SUGCT: variants seen among roughly 807,000 people sequenced by gnomAD.
The protein encoded by SUGCT is succinyl-CoA:glutarate-CoA transferase.
In SUGCT, 41 loss-of-function variants were observed where a neutral mutation model predicts 55.0. The ratio of observed to expected loss-of-function variants is 0.74; its 90% CI spans 0.58 to 0.97. SUGCT has a LOEUF of 0.97. Among genes scored for constraint, SUGCT ranks in the 50% least tolerant of loss-of-function variants. The probability of loss-of-function intolerance (pLI) is 0.00; values close to 1 mark genes in which losing one functional copy is unlikely to be tolerated. For synonymous variants in SUGCT, 187 were observed against 200.4 expected, an observed-to-expected ratio of 0.93 and a Z score of 0.56; for missense variants, 568 against 547.8, an observed-to-expected ratio of 1.04 and a Z score of -0.37.
chr7:40,787,554 A>G (rs569890744), intron 13 of SUGCT, among the ~76,000 whole-genome samples: 1 of 150,118 alleles, frequency 6.7e-6, no homozygotes, highest in East Asian at 2.0e-4. Flanking sequence ...CCAGCTAGCA[A>G]TCTTGGGATC....
intron 12 of SUGCT, among the ~76,000 whole-genome samples, chr7:40,691,310 CTT>C (rs536602371): frequency 1.1e-4 from 16 of 144,376 alleles, no homozygotes; most frequent in South Asian, 6.7e-4. Context: ...ATGTGAGAAA[CTT>C]TTTTTTTTTT....
Position 40,175,824 on chromosome 7 carries a change from A to G in SUGCT, c.101-5123A>G, listed in dbSNP as rs1040900179. Among the ~76,000 whole-genome samples, 5 of 152,056 alleles carry G rather than the reference A, an allele frequency of 3.3e-5. No individual in the cohort carries two copies. The East Asian group carries it at 5.8e-4, about 18-fold the overall frequency. On this transcript the variant is annotated intron_variant, in intron 1 of 13. Coordinates refer to ENST00000335693, the MANE Select transcript of SUGCT (RefSeq NM_001193313.2). ...GGTGAAACAAGTATCACCTTGTTCA[A>G]CCTCAGCTGGGAACATGCACAATGA...
intron 12 of SUGCT, among the ~76,000 whole-genome samples, chr7:40,624,959 G>A (rs1799455526): frequency 6.6e-6 from 1 of 151,980 alleles, no homozygotes; most frequent in Non-Finnish European, 1.5e-5. Flanking sequence ...ACTTATCATA[G>A]TGCATTCTTA....
chr7:40,304,360 A>G (rs928120912), intron 8 of SUGCT, among the ~76,000 whole-genome samples: 3 of 151,792 alleles, frequency 2.0e-5, no homozygotes, highest in African/African-American at 7.3e-5. Context: ...CCCATTTACA[A>G]CAGACTCACC....
At chr7:41,035,582 A>T in the SUGCT span, among the ~76,000 whole-genome samples, 1 of 152,242 alleles carries the variant, frequency 6.6e-6, no homozygotes, top group East Asian at 1.9e-4. Context: ...TGTTTACAAG[A>T]TACACAGTTA....
At chr7:40,336,511 T>C (rs1165109008) in intron 9 of SUGCT, among the ~76,000 whole-genome samples, 1 of 152,240 alleles carries the variant, frequency 6.6e-6, no homozygotes, top group African/African-American at 2.4e-5. Flanking sequence ...ATCCATTTCT[T>C]CTAGATTTTC....
At chr7:40,302,602 A>G (rs1794598930) in intron 8 of SUGCT, among the ~76,000 whole-genome samples, 1 of 152,184 alleles carries the variant, frequency 6.6e-6, no homozygotes, top group South Asian at 2.1e-4. Context: ...GATTGTTGGC[A>G]GAATACAGTT....
At chr7:40,471,290 A>G (rs1439861762) in intron 11 of SUGCT, among the ~76,000 whole-genome samples, 1 of 152,032 alleles carries the variant, frequency 6.6e-6, no homozygotes, top group Non-Finnish European at 1.5e-5. Context: ...CAGGTTGTTT[A>G]CTTAAATGGT....
At chr7:40,573,994 C>T (rs1259046335) in intron 12 of SUGCT, among the ~76,000 whole-genome samples, 1 of 152,162 alleles carries the variant, frequency 6.6e-6, no homozygotes, top group Non-Finnish European at 1.5e-5. Context: ...ATTGATGAAA[C>T]TGTGTTATTC....
intron 12 of SUGCT, among the ~76,000 whole-genome samples, chr7:40,515,767 G>A (rs1793198211): frequency 6.6e-6 from 1 of 152,170 alleles, no homozygotes; most frequent in Non-Finnish European, 1.5e-5. Flanking sequence ...TGAATAGTAT[G>A]TCTATGTAAA....
intron 12 of SUGCT, among the ~76,000 whole-genome samples, chr7:40,554,853 T>G (rs1019810386): frequency 2.0e-5 from 3 of 152,208 alleles, no homozygotes; most frequent in African/African-American, 7.2e-5. Flanking sequence ...ATGACTTCTG[T>G]TTATTTCACT....
chr7:40,354,254 A>G (rs1797779436), intron 9 of SUGCT, among the ~76,000 whole-genome samples: 1 of 152,192 alleles, frequency 6.6e-6, no homozygotes, highest in Non-Finnish European at 1.5e-5. Context: ...AGTAGAATAC[A>G]GAATTCAGTG....
intron 11 of SUGCT, among the ~76,000 whole-genome samples, chr7:40,485,514 C>T (rs535868501): frequency 1.4e-3 from 211 of 148,430 alleles, no homozygotes; most frequent in African/African-American, 5.1e-3. Context: ...TAGCCTCAAC[C>T]TCCCAAGCTC....
At chr7:40,409,792 A>T (rs886688687) in intron 9 of SUGCT, among the ~76,000 whole-genome samples, 2 of 151,586 alleles carry the variant, frequency 1.3e-5, no homozygotes, top group African/African-American at 4.8e-5. Flanking sequence ...ACTTTTGGAG[A>T]AAATTTTGAG....
At chr7:40,872,090 T>C in the SUGCT span, among the ~76,000 whole-genome samples, 277 of 152,144 alleles carry the variant, frequency 1.8e-3, no homozygotes, top group African/African-American at 6.3e-3. Context: ...TGGGTACTGA[T>C]AAACATCCAG....
At chr7:40,649,404 G>A (rs569350921) in intron 12 of SUGCT, among the ~76,000 whole-genome samples, 18 of 151,988 alleles carry the variant, frequency 1.2e-4, no homozygotes, top group African/African-American at 3.6e-4. Context: ...TTACAGATGG[G>A]GGGGGAAGGA....
chr7:40,443,665 T>C (rs780624268), intron 9 of SUGCT, among the ~76,000 whole-genome samples: 14 of 152,224 alleles, frequency 9.2e-5, no homozygotes, highest in Non-Finnish European at 1.6e-4. Flanking sequence ...TCTCCCATTG[T>C]GTAGGTTGCC....
chr7:40,887,100 G>A, the SUGCT span, among the ~76,000 whole-genome samples: 5 of 152,190 alleles, frequency 3.3e-5, no homozygotes, highest in African/African-American at 1.2e-4. Flanking sequence ...GTGGAAAAGA[G>A]GACCAGTATA....
intron 9 of SUGCT, among the ~76,000 whole-genome samples, chr7:40,375,074 T>A (rs1467789659): frequency 6.6e-6 from 1 of 152,108 alleles, no homozygotes; most frequent in African/African-American, 2.4e-5. Flanking sequence ...ATGATATAGG[T>A]CCAATTCTGT....
Sources: allele counts gnomAD v4.1 joint callset (sites outside exome capture counted in the v4.1 genomes callset), GRCh38; gene constraint gnomAD v4.1.1; transcripts MANE v1.5; gene names NCBI Gene and HGNC (gene_info 2026-07-23, HGNC 2026-07-21).